The following PTPRO variants were observed in gnomAD, a reference collection of about 807,000 sequenced individuals.
PTPRO encodes protein tyrosine phosphatase receptor type O.
A neutral mutation model predicts 145.2 loss-of-function variants in PTPRO; 62 were observed. That is an observed-to-expected ratio of 0.43 (90% CI 0.35 to 0.53). The LOEUF is 0.53. Ranked by LOEUF, PTPRO falls within the 20% of genes least tolerant of loss-of-function variation. The pLI is 0.01. For missense variants in PTPRO, 1,345 were observed against 1,482.7 expected (o/e 0.91, Z 1.53); for synonymous variants, 565 against 514.7 (o/e 1.10, Z -1.32).
intron 1 of PTPRO, among the ~76,000 whole-genome samples, chr12:15,434,605 T>C (rs916431241): frequency 1.4e-4 from 22 of 152,324 alleles, no homozygotes; most frequent in South Asian, 4.1e-4. Flanking sequence ...ATGTAGGTGT[T>C]ATTATGTTAA....
chr12:15,535,421 GAAAAC>G (rs112250290), intron 12 of PTPRO, among the ~76,000 whole-genome samples: 2 of 152,004 alleles, frequency 1.3e-5, no homozygotes, highest in African/African-American at 2.4e-5. Flanking sequence ...GGAGGTCAGA[GAAAAC>G]AAAACAAAAC....
At chr12:15,546,517 A>G (rs1248488211) in intron 12 of PTPRO, 52 bp from the exon 13 acceptor site, 2 of 1,547,832 alleles carry the variant, frequency 1.3e-6, no homozygotes, top group South Asian at 2.4e-5. Flanking sequence ...GTGAAAGAAG[A>G]AAGAATACAC....
intron 1 of PTPRO, among the ~76,000 whole-genome samples, chr12:15,393,838 T>A (rs758155303): frequency 5.3e-5 from 8 of 152,132 alleles, no homozygotes; most frequent in South Asian, 2.1e-4. Context: ...TCTTACAATT[T>A]TAGAAGCTAG....
At chr12:15,420,493 T>A (rs914881439) in intron 1 of PTPRO, among the ~76,000 whole-genome samples, 1 of 151,640 alleles carries the variant, frequency 6.6e-6, no homozygotes, top group African/African-American at 2.4e-5. Context: ...TTGTGGAAAC[T>A]CAACTCAGGC....
intron 1 of PTPRO, among the ~76,000 whole-genome samples, chr12:15,468,247 C>T (rs1941461268): frequency 6.6e-6 from 1 of 152,134 alleles, no homozygotes; most frequent in Non-Finnish European, 1.5e-5. Flanking sequence ...AATTCTGGAG[C>T]CAGCAAGTAA....
At position 15,322,822 on chromosome 12, in the gene PTPRO, C is replaced by G. The variant is rs774482419; in HGVS notation, c.75+21C>G. The G allele has an allele frequency of 5.5e-5, 89 of 1,607,950 alleles. No individual in the cohort carries two copies. The South Asian group carries it at 8.9e-4, about 16-fold the overall frequency. On this transcript the variant is annotated intron_variant, in intron 1 of 26. Coordinates refer to ENST00000281171, the MANE Select transcript of PTPRO (RefSeq NM_030667.3). The surrounding 1 kb of genome is among the most constrained non-coding windows in gnomAD (Gnocchi z 6.3). ...TCAAGGTAGGGGAGCTCCTCCACCCCTTTTTCCCAGCGGTCCGGGCGGCAG... is the reference window on the plus strand; with the variant it reads ...TCAAGGTAGGGGAGCTCCTCCACCCGTTTTTCCCAGCGGTCCGGGCGGCAG...
chr12:15,594,295 A>G (rs1185802229), intron 25 of PTPRO, among the ~76,000 whole-genome samples: 1 of 152,088 alleles, frequency 6.6e-6, no homozygotes, highest in African/African-American at 2.4e-5. Flanking sequence ...ATTTTTAAAG[A>G]CAATTTATTA....
At chr12:15,329,161 T>C (rs1176556427) in intron 1 of PTPRO, among the ~76,000 whole-genome samples, 1 of 152,238 alleles carries the variant, frequency 6.6e-6, no homozygotes, top group Non-Finnish European at 1.5e-5. Context: ...TTACCCGCCA[T>C]TGACCAAATT....
At chr12:15,417,722 C>T (rs1940022285) in intron 1 of PTPRO, among the ~76,000 whole-genome samples, 1 of 151,780 alleles carries the variant, frequency 6.6e-6, no homozygotes. Flanking sequence ...GACGGCACGG[C>T]TTAACCAGTG....
intron 13 of PTPRO, among the ~76,000 whole-genome samples, chr12:15,548,775 T>C (rs1416971818): frequency 9.9e-5 from 15 of 152,146 alleles, no homozygotes; most frequent in Admixed American, 9.8e-4. Flanking sequence ...TATTGATAGC[T>C]AAGGTAAAAA....
intron 8 of PTPRO, 61 bp from the exon 9 acceptor site, chr12:15,516,702 G>T: frequency 7.0e-7 from 1 of 1,433,914 alleles, no homozygotes; most frequent in South Asian, 1.1e-5. Flanking sequence ...GAAGTTTGAG[G>T]CCATTGCTAA....
chr12:15,354,112 A>AT (rs574027548), intron 1 of PTPRO, among the ~76,000 whole-genome samples: 21 of 151,974 alleles, frequency 1.4e-4, no homozygotes, highest in South Asian at 1.3e-3. Flanking sequence ...AGGGCACTAA[A>AT]TTTTTTTTTA....
intron 12 of PTPRO, 113 bp downstream of exon 12, chr12:15,526,375 T>C: frequency 7.1e-7 from 1 of 1,410,798 alleles, no homozygotes; most frequent in Admixed American, 1.7e-5. Context: ...GCTAATTTTT[T>C]ATGAGTAGAA....
chr12:15,550,429 A>C (rs900604530), intron 14 of PTPRO, among the ~76,000 whole-genome samples: 1 of 152,144 alleles, frequency 6.6e-6, no homozygotes, highest in Non-Finnish European at 1.5e-5. Flanking sequence ...TAATCCATAT[A>C]TATGTGAACC....
chr12:15,495,719 CAGAAACAGAGA>C (rs1056080733), intron 2 of PTPRO, among the ~76,000 whole-genome samples: 2 of 151,892 alleles, frequency 1.3e-5, no homozygotes, highest in Non-Finnish European at 2.9e-5. Flanking sequence ...TTTCTATAGG[CAGAAACAGAGA>C]AGATTTTATC....
rs78002015 is a variant in PTPRO, at chr12:15,422,994, T to C, written c.76-60980T>C. On this transcript the variant is annotated intron_variant, in intron 1 of 26. Coordinates refer to ENST00000281171, the MANE Select transcript of PTPRO (RefSeq NM_030667.3). The stretch of plus-strand genomic sequence containing the variant: ...TAAATTTTAAAAAGTTATGATCATG[T>C]TGATATGCAAAGGGAATTTATGTGT... 4.4e-3 allele frequency among the ~76,000 whole-genome samples: 677 copies of C among 152,348 alleles called. 1 individual carries two copies. The highest frequency in any genetic ancestry group is 0.014 in the Middle Eastern group (4 of 294).
intron 23 of PTPRO, among the ~76,000 whole-genome samples, chr12:15,582,095 T>C (rs1015729143): frequency 6.6e-6 from 1 of 152,258 alleles, no homozygotes; most frequent in African/African-American, 2.4e-5. Context: ...TGGCTAGTTA[T>C]CTGCAGCATG....
At chr12:15,421,316 G>T (rs946505625) in intron 1 of PTPRO, among the ~76,000 whole-genome samples, 3 of 152,130 alleles carry the variant, frequency 2.0e-5, no homozygotes, top group Non-Finnish European at 4.4e-5. Flanking sequence ...ATTCATTTAA[G>T]CTGTAATTCA....
chr12:15,590,855 G>C (rs1944536478), intron 25 of PTPRO, among the ~76,000 whole-genome samples: 1 of 152,150 alleles, frequency 6.6e-6, no homozygotes, highest in Admixed American at 6.5e-5. Flanking sequence ...TAAAATGTCT[G>C]GTTTCCCAGA....
Sources: gnomAD v4.1 joint callset for allele counts (sites outside exome capture counted in the v4.1 genomes callset) on GRCh38, gnomAD v4.1.1 for gene constraint, Gnocchi (gnomAD v3.1) non-coding constraint, MANE v1.5 for transcripts, NCBI Gene and HGNC (gene_info 2026-07-23, HGNC 2026-07-21) for gene names.